The following TXLNB variants were observed in gnomAD, a reference collection of about 807,000 sequenced individuals.
TXLNB encodes taxilin beta, also known as beta-taxilin.
TXLNB carries 37 observed loss-of-function variants against 57.4 expected under a neutral mutation model. That is an observed-to-expected ratio of 0.64 (90% confidence interval 0.50 to 0.85). The LOEUF (loss-of-function observed/expected upper bound fraction) is 0.85. Ranked by LOEUF, TXLNB falls within the 40% of genes least tolerant of loss-of-function variation. The pLI is 0.00. For synonymous variants in TXLNB, 302 were observed against 309.6 expected (o/e 0.98, Z 0.26); for missense variants, 848 against 825.6 (o/e 1.03, Z -0.33).
chr6:139,318,282 A>AAG, the TXLNB span, among the ~76,000 whole-genome samples: 1 of 151,148 alleles, frequency 6.6e-6, no homozygotes, highest in Non-Finnish European at 1.5e-5. Context: ...AAAAAAAAAA[A>AAG]AAAAAAGAAA....
At chr6:139,299,676 G>A in the TXLNB span, among the ~76,000 whole-genome samples, 7,957 of 152,088 alleles carry the variant, frequency 0.052, 705 homozygotes, top group African/African-American at 0.18. Flanking sequence ...AACTCCAGGG[G>A]TCACTGTTCA....
chr6:139,309,720 T>G, the TXLNB span, among the ~76,000 whole-genome samples: 1 of 151,978 alleles, frequency 6.6e-6, no homozygotes, highest in Non-Finnish European at 1.5e-5. Flanking sequence ...AGCCCAAGAG[T>G]TGGAGACCAG....
chr6:139,294,249 T>C (rs1176913539), upstream of TXLNB, among the ~76,000 whole-genome samples: 6 of 152,220 alleles, frequency 3.9e-5, no homozygotes, highest in Non-Finnish European at 8.8e-5. Context: ...GAATACTCTA[T>C]TGACTGCTGG....
intron 2 of TXLNB, among the ~76,000 whole-genome samples, chr6:139,279,861 G>A (rs555531979): frequency 2.0e-5 from 3 of 152,344 alleles, no homozygotes; most frequent in East Asian, 1.9e-4. Flanking sequence ...AATGCTCAGC[G>A]TGGTAGGAAG....
the TXLNB span, among the ~76,000 whole-genome samples, chr6:139,185,916 T>G: frequency 6.6e-6 from 1 of 152,170 alleles, no homozygotes; most frequent in Non-Finnish European, 1.5e-5. Context: ...TGCAACAAGT[T>G]TCTTAACCAT....
intron 4 of TXLNB, among the ~76,000 whole-genome samples, chr6:139,264,036 T>C (rs1776552011): frequency 6.6e-6 from 1 of 152,190 alleles, no homozygotes; most frequent in African/African-American, 2.4e-5. Context: ...AACAACACAT[T>C]TCCCAACTCT....
the TXLNB span, chr6:139,166,768 G>C: frequency 6.2e-7 from 1 of 1,613,858 alleles, no homozygotes; most frequent in Non-Finnish European, 8.5e-7. Flanking sequence ...ACTCCCAGGA[G>C]AAGGCAGTGG....
upstream of TXLNB, among the ~76,000 whole-genome samples, chr6:139,294,982 C>T (rs1777364807): frequency 6.6e-6 from 1 of 150,608 alleles, no homozygotes; most frequent in Non-Finnish European, 1.5e-5. Context: ...GAGCAAGACT[C>T]TGTCTCAAAA....
the TXLNB span, among the ~76,000 whole-genome samples, chr6:139,314,353 C>T: frequency 6.6e-6 from 1 of 152,216 alleles, no homozygotes; most frequent in Admixed American, 6.5e-5. Flanking sequence ...GTCTTAACTA[C>T]AAACATTTCT....
the TXLNB span, among the ~76,000 whole-genome samples, chr6:139,315,161 C>T: frequency 2.6e-5 from 4 of 152,114 alleles, no homozygotes; most frequent in Non-Finnish European, 5.9e-5. Flanking sequence ...GAACAGAAGA[C>T]AGCGAGAAAA....
At chr6:139,318,702 A>G in the TXLNB span, among the ~76,000 whole-genome samples, 1 of 152,180 alleles carries the variant, frequency 6.6e-6, no homozygotes, top group African/African-American at 2.4e-5. Context: ...CATACTAACC[A>G]ACTTAGAATT....
chr6:139,260,859 A>G (rs890483615), intron 5 of TXLNB, among the ~76,000 whole-genome samples: 1 of 152,164 alleles, frequency 6.6e-6, no homozygotes, highest in Non-Finnish European at 1.5e-5. Context: ...TTTAATTGCA[A>G]CACTTGTGCA....
chr6:139,295,922 G>A (rs182154945), upstream of TXLNB, among the ~76,000 whole-genome samples: 34 of 152,204 alleles, frequency 2.2e-4, no homozygotes, highest in East Asian at 1.4e-3. Context: ...CCCAAACAGC[G>A]TAAGAGGCCT....
chr6:139,264,791 C>T (rs745546850), intron 4 of TXLNB, among the ~76,000 whole-genome samples: 9 of 152,048 alleles, frequency 5.9e-5, no homozygotes, highest in Non-Finnish European at 1.0e-4. Context: ...AACTCCAGAC[C>T]TCAGATGATC....
At chr6:139,262,067 CT>C (rs1776497060) in intron 5 of TXLNB, among the ~76,000 whole-genome samples, 1 of 149,922 alleles carries the variant, frequency 6.7e-6, no homozygotes, top group African/African-American at 2.5e-5. Context: ...CCACGCCTGG[CT>C]AATTTTTTTT....
At chr6:139,259,797 G>A (rs1405359105) in intron 6 of TXLNB, among the ~76,000 whole-genome samples, 1 of 152,186 alleles carries the variant, frequency 6.6e-6, no homozygotes, top group African/African-American at 2.4e-5. Flanking sequence ...AAAAATATGT[G>A]TGGAATAGAT....
At chr6:139,186,757 C>T in the TXLNB span, among the ~76,000 whole-genome samples, 1 of 152,196 alleles carries the variant, frequency 6.6e-6, no homozygotes, top group African/African-American at 2.4e-5. Flanking sequence ...TTGCAATATG[C>T]AATTGCAGAG....
chr6:139,190,309 C>CTTTT, the TXLNB span, among the ~76,000 whole-genome samples: 15 of 115,252 alleles, frequency 1.3e-4, no homozygotes, highest in Middle Eastern at 4.8e-3. Context: ...TTCTTTCTTT[C>CTTTT]TTTTTTTTTT....
chr6:139,262,684 G>C lies in TXLNB; in HGVS notation c.777C>G (p.Gly259=), dbSNP rs1344045137. The part of the protein sequence containing the change: ...HFQSTLTDIQ[G]QIEQQSERNM... ...TTCGCTCACTCTGCTGCTCGATCTG[G>C]CCCTGGATGTCCGTGAGGGTACTCT... is the stretch of plus-strand genomic sequence containing the variant. Residue 259 remains glycine, a synonymous_variant, in exon 5 of 10, where the codon GGC becomes GGG. Coordinates refer to ENST00000358430, the MANE Select transcript of TXLNB (RefSeq NM_153235.4). 1 of 1,614,038 alleles carries C rather than the reference G, an allele frequency of 6.2e-7. No individual in the cohort carries two copies. The highest frequency in any genetic ancestry group is 8.5e-7 in the Non-Finnish European group (1 of 1,180,038).
Sources: allele counts gnomAD v4.1 joint callset (sites outside exome capture counted in the v4.1 genomes callset), GRCh38; gene constraint gnomAD v4.1.1; transcripts MANE v1.5; gene names NCBI Gene and HGNC (gene_info 2026-07-23, HGNC 2026-07-21).